Variants in RNPS1 observed in about 807,000 individuals in gnomAD.
RNPS1 encodes RNA-binding protein with serine-rich domain 1.
For missense variants in RNPS1, 300 were observed against 427.6 expected, an observed-to-expected ratio of 0.70 and a Z score of 2.63; for synonymous variants, 147 against 150.0, an observed-to-expected ratio of 0.98 and a Z score of 0.15.
intron 1 of RNPS1, chr16:2,267,633 C>A: frequency 1.8e-6 from 2 of 1,085,434 alleles, no homozygotes; most frequent in African/African-American, 3.4e-5. Flanking sequence ...GACACGCCGA[C>A]CTCGCCGCTA....
intron 1 of RNPS1, chr16:2,266,084 T>A (rs2093624033): frequency 1.0e-6 from 1 of 983,310 alleles, no homozygotes. Flanking sequence ...ATCTCAGGAA[T>A]GGAGTCTCAG....
At chr16:2,260,203 T>C (rs2093597307) in intron 6 of RNPS1, among the ~76,000 whole-genome samples, 1 of 141,788 alleles carries the variant, frequency 7.1e-6, no homozygotes, top group Non-Finnish European at 1.5e-5. Context: ...TTGCCCAGGC[T>C]GGAGTGCAGT....
chr16:2,254,544 ACCTCGG>A (rs1229815941), intron 7 of RNPS1, among the ~76,000 whole-genome samples: 1 of 151,450 alleles, frequency 6.6e-6, no homozygotes, highest in Non-Finnish European at 1.5e-5. Flanking sequence ...TGTTCCGCCC[ACCTCGG>A]CCTCCCAAAG....
At chr16:2,257,093 C>G (rs779270619) in intron 6 of RNPS1, 2 of 152,130 alleles carry the variant, frequency 1.3e-5, no homozygotes, top group African/African-American at 4.8e-5. Flanking sequence ...CTGAAACACA[C>G]GCCATGTGCA....
intron 7 of RNPS1, 77 bp from the exon 8 acceptor site, chr16:2,254,140 A>G (rs1045087381): frequency 3.7e-6 from 4 of 1,089,768 alleles, no homozygotes; most frequent in Admixed American, 3.3e-5. Flanking sequence ...GCAATTCCCC[A>G]TAGTTTTACT....
chr16:2,264,467 G>C (rs770109150), intron 2 of RNPS1, 106 bp downstream of exon 2: 25 of 1,528,498 alleles, frequency 1.6e-5, no homozygotes, highest in East Asian at 2.3e-5. Context: ...CTGTGGCTCA[G>C]AACACTCACT....
At chr16:2,262,654 C>T in intron 5 of RNPS1, 86 bp downstream of exon 5, 1 of 1,269,454 alleles carries the variant, frequency 7.9e-7, no homozygotes, top group Non-Finnish European at 1.1e-6. Context: ...CCCAGTCCTC[C>T]AAAAGGCTAC....
intron 1 of RNPS1, chr16:2,266,121 G>C (rs2093624138): frequency 1.0e-6 from 1 of 985,296 alleles, no homozygotes; most frequent in South Asian, 4.7e-5. Flanking sequence ...TTCTCCAAGA[G>C]CCAGTTGGTA....
intron 4 of RNPS1, 59 bp from the exon 5 acceptor site, chr16:2,262,901 C>T: frequency 6.8e-7 from 1 of 1,465,258 alleles, no homozygotes; most frequent in Admixed American, 1.7e-5. Context: ...GTACTAGACG[C>T]CTTTCGAGTA....
intron 3 of RNPS1, among the ~76,000 whole-genome samples, chr16:2,263,699 A>AC (rs755056727): frequency 6.6e-6 from 1 of 151,812 alleles, no homozygotes; most frequent in Non-Finnish European, 1.5e-5. Context: ...TGCAGCTTCA[A>AC]CCCCCTGGAA....
rs1417508218 is a variant in RNPS1 at position 2,264,583 on chromosome 16, A to G, written c.61T>C (p.Ser21Pro). The G allele has an allele frequency of 6.2e-7, 1 of 1,613,518 alleles. No individual in the cohort carries two copies. The highest frequency in any genetic ancestry group is 1.7e-5 in the Admixed American group (1 of 60,000). The change falls in exon 2 of 8, where the codon TCC becomes CCC. Residue 21 changes from serine (S) to proline (P), a missense_variant. Coordinates refer to ENST00000320225, the MANE Select transcript of RNPS1 (RefSeq NM_080594.4). ...LLGVKENNKK[S>P]STRAPSPTKR... is the part of the protein sequence containing the mutation. ...TTACAGAAGGATTACCTAGTGCTGG[A>G]CTTTTTATTATTTTCTTTGACTCCT...
At chr16:2,263,894 CT>C (rs763102791) in intron 3 of RNPS1, 5,844 of 207,224 alleles carry the variant, frequency 0.028, no homozygotes, top group Middle Eastern at 0.044. Context: ...ACAAATTACT[CT>C]TTTTTTTTTT....
At chr16:2,260,310 C>G (rs537973243) in intron 6 of RNPS1, among the ~76,000 whole-genome samples, 3 of 152,044 alleles carry the variant, frequency 2.0e-5, no homozygotes, top group East Asian at 3.9e-4. Flanking sequence ...TGTGTGCCAT[C>G]ATGCCCGGCT....
intron 7 of RNPS1, among the ~76,000 whole-genome samples, chr16:2,254,552 C>T (rs1297314491): frequency 5.3e-5 from 8 of 152,072 alleles, no homozygotes; most frequent in Non-Finnish European, 1.0e-4. Context: ...CCACCTCGGC[C>T]TCCCAAAGTG....
chr16:2,267,520 A>C, intron 1 of RNPS1: 1 of 1,014,386 alleles, frequency 9.9e-7, no homozygotes, highest in Non-Finnish European at 1.2e-6. Context: ...GAGTCCGGGA[A>C]ACGTTCGCGG....
intron 1 of RNPS1, chr16:2,267,648 T>A: frequency 1.8e-6 from 2 of 1,096,690 alleles, no homozygotes; most frequent in Non-Finnish European, 2.2e-6. Flanking sequence ...CCGCTACCCG[T>A]CCGCGTTCAC....
intron 6 of RNPS1, chr16:2,257,951 C>T (rs986212114): frequency 1.3e-5 from 2 of 152,274 alleles, no homozygotes; most frequent in African/African-American, 4.8e-5. Flanking sequence ...CCAGCGGCCT[C>T]AGTCACAGCA....
In RNPS1 at chr16:2,264,241, C is replaced by T. The variant is rs866042402; in HGVS notation, c.162G>A (p.Glu54=). ...GGGTTTTGTCCCGGCCGCGATCCTT[C>T]TCACTCGACTCCTTGGTGGCCCCTT... ...KDKGATKESS[E]KDRGRDKTRK... Residue 54 remains glutamate (E), a synonymous_variant, in exon 3 of 8, where the codon GAG becomes GAA. Transcript: ENST00000320225. The T allele has an allele frequency of 6.2e-7, 1 of 1,614,214 alleles. No individual in the cohort carries two copies. Among genetic ancestry groups the T allele is most frequent in the Non-Finnish European group, 8.5e-7 (1 of 1,180,050 alleles).
Position 2,264,413 on chromosome 16 carries a change from C to G in RNPS1, c.72-82G>C, listed in dbSNP as rs570880756. On this transcript the variant is annotated intron_variant, in intron 2 of 7. Coordinates refer to ENST00000320225, the MANE Select transcript of RNPS1 (RefSeq NM_080594.4). ...ACAACCCAAAACGGGGGATCAGCAT[C>G]AGCAGGGCCACAGAGACCCGAGGTG... 3.1e-6 allele frequency: 5 copies of G among 1,596,534 alleles called. No individual in the cohort carries two copies. The East Asian group carries it at 1.1e-4, about 36-fold the overall frequency.
Sources: gnomAD v4.1 joint callset for allele counts (sites outside exome capture counted in the v4.1 genomes callset) on GRCh38, gnomAD v4.1.1 for gene constraint, MANE v1.5 for transcripts, NCBI Gene and HGNC (gene_info 2026-07-23, HGNC 2026-07-21) for gene names.